Variants in UGT1A10 observed in about 807,000 individuals in gnomAD.
UGT1A10 encodes UDP-glucuronosyltransferase 1A10.
UGT1A10 carries 49 observed loss-of-function variants against 45.8 expected under a neutral mutation model. The ratio of observed to expected loss-of-function variants is 1.07; its 90% CI spans 0.85 to 1.36. The LOEUF is 1.36. UGT1A10 is among the 40% of genes most tolerant of loss of function. The pLI is 0.00. For synonymous variants in UGT1A10, 284 were observed against 249.7 expected, an observed-to-expected ratio of 1.14 and a Z score of -1.29; for missense variants, 745 against 668.6, an observed-to-expected ratio of 1.11 and a Z score of -1.26.
intron 1 of UGT1A10, among the ~76,000 whole-genome samples, chr2:233,737,698 T>C (rs1168746375): frequency 6.6e-6 from 1 of 152,140 alleles, no homozygotes; most frequent in Non-Finnish European, 1.5e-5. Flanking sequence ...TGCTGAAGCT[T>C]CCGTTCTCCT....
intron 1 of UGT1A10, among the ~76,000 whole-genome samples, chr2:233,730,937 T>C (rs2125759444): frequency 6.6e-6 from 1 of 152,268 alleles, no homozygotes; most frequent in Admixed American, 6.5e-5. Flanking sequence ...TAATCCAGAA[T>C]ATTTGGGTTT....
rs267599269 is a variant in UGT1A10, at chr2:233,637,360, G to T, written c.838G>T (p.Gly280Ter). ...CATTGGTGGTATCAACTGTCATCAG[G>T]GAAAGCCATTGCCTATGGTAAGTCA... ...IFIGGINCHQ[G>*]KPLPMEFEAY... is the part of the protein sequence containing the mutation. The change falls in exon 1 of 5, where the codon GGA becomes TGA. Residue 280 changes from glycine to a stop codon, truncating the protein, a stop_gained. Coordinates refer to ENST00000344644, the MANE Select transcript of UGT1A10 (RefSeq NM_019075.4). LOFTEE classifies it high-confidence loss of function. 3 of 1,613,204 alleles carry T rather than the reference G, an allele frequency of 1.9e-6. No homozygotes were observed. Among genetic ancestry groups the T allele is most frequent in the Admixed American group, 3.3e-5 (2 of 59,968 alleles).
chr2:233,757,188 C>G (rs1300047445), intron 1 of UGT1A10, among the ~76,000 whole-genome samples: 1 of 150,488 alleles, frequency 6.6e-6, no homozygotes, highest in African/African-American at 2.5e-5. Flanking sequence ...GCAGAGGACT[C>G]TGAATTTTCT....
At chr2:233,759,773 G>A (rs1199686536) in intron 1 of UGT1A10, among the ~76,000 whole-genome samples, 1 of 152,142 alleles carries the variant, frequency 6.6e-6, no homozygotes, top group African/African-American at 2.4e-5. Context: ...AATATTGTTG[G>A]ACGAAGGAAT....
intron 1 of UGT1A10, chr2:233,741,725 C>G (rs1312283881): frequency 6.6e-6 from 1 of 151,856 alleles, no homozygotes; most frequent in Non-Finnish European, 1.5e-5. Flanking sequence ...AGAGCATATC[C>G]AAACCCATAT....
intron 1 of UGT1A10, among the ~76,000 whole-genome samples, chr2:233,727,321 C>T (rs1225284066): frequency 6.6e-6 from 1 of 152,152 alleles, no homozygotes; most frequent in African/African-American, 2.4e-5. Flanking sequence ...TTCCCAGGCA[C>T]CAGGAGCTCC....
At chr2:233,713,624 C>G in intron 1 of UGT1A10, 1 of 1,613,964 alleles carries the variant, frequency 6.2e-7, no homozygotes, top group Non-Finnish European at 8.5e-7. Context: ...TGCAAAGGGT[C>G]AAGAACATGC....
intron 1 of UGT1A10, chr2:233,690,690 T>A (rs959108318): frequency 1.6e-6 from 2 of 1,249,564 alleles, no homozygotes; most frequent in African/African-American, 3.1e-5. Flanking sequence ...CCAGCGGAGC[T>A]ACTCTTTAGG....
At chr2:233,701,743 T>C (rs1291418937) in intron 1 of UGT1A10, among the ~76,000 whole-genome samples, 3 of 152,190 alleles carry the variant, frequency 2.0e-5, no homozygotes, top group Non-Finnish European at 2.9e-5. Flanking sequence ...CCTGAATAAC[T>C]ACTGGGTACA....
chr2:233,679,691 G>C (rs915650014), intron 1 of UGT1A10, among the ~76,000 whole-genome samples: 5 of 152,016 alleles, frequency 3.3e-5, no homozygotes, highest in African/African-American at 1.2e-4. Flanking sequence ...CTTGGCAGAG[G>C]CTGGTTCTCC....
chr2:233,718,650 G>A (rs762582073), intron 1 of UGT1A10: 221 of 1,506,712 alleles, frequency 1.5e-4, no homozygotes, highest in Middle Eastern at 2.4e-4. Context: ...GGCCCATAAC[G>A]AAAGGCAGTT....
intron 1 of UGT1A10, among the ~76,000 whole-genome samples, chr2:233,664,806 A>G (rs2074040295): frequency 6.6e-6 from 1 of 152,130 alleles, no homozygotes; most frequent in Non-Finnish European, 1.5e-5. Flanking sequence ...ATAACACTGA[A>G]CTGTGATTTG....
chr2:233,743,667 C>G (rs201017854), intron 1 of UGT1A10: 4 of 1,367,108 alleles, frequency 2.9e-6, no homozygotes, highest in African/African-American at 1.5e-5. Context: ...AAGGGGTCCT[C>G]GAAGGGCCTG....
At chr2:233,756,273 T>C (rs976483084) in intron 1 of UGT1A10, 1 of 152,230 alleles carries the variant, frequency 6.6e-6, no homozygotes. Context: ...TCAAGCTCCT[T>C]TTATAAAATG....
chr2:233,660,968 T>C (rs1373599432), intron 1 of UGT1A10, among the ~76,000 whole-genome samples: 1 of 152,128 alleles, frequency 6.6e-6, no homozygotes, highest in Non-Finnish European at 1.5e-5. Flanking sequence ...TATCCTTCAG[T>C]TTTATTTAGC....
chr2:233,718,682 A>G, intron 1 of UGT1A10: 1 of 1,574,938 alleles, frequency 6.3e-7, no homozygotes, highest in Non-Finnish European at 8.6e-7. Flanking sequence ...GGTAATAAGT[A>G]ACTGGAGGAG....
intron 1 of UGT1A10, chr2:233,755,187 A>G: frequency 1.6e-5 from 19 of 1,182,426 alleles, no homozygotes; most frequent in Non-Finnish European, 2.1e-5. Flanking sequence ...GTGCCACTTG[A>G]GCGCCAGCTT....
At chr2:233,690,053 T>C in intron 1 of UGT1A10, 1 of 402,506 alleles carries the variant, frequency 2.5e-6, no homozygotes, top group South Asian at 1.8e-5. Flanking sequence ...TTCTGACTTC[T>C]GCAGCCCCAC....
intron 1 of UGT1A10, chr2:233,693,614 AC>A: frequency 6.2e-7 from 1 of 1,614,168 alleles, no homozygotes; most frequent in Non-Finnish European, 8.5e-7. Flanking sequence ...AGACCACATG[AC>A]TTTTTCCCAA....
Sources: gnomAD v4.1 joint callset for allele counts (sites outside exome capture counted in the v4.1 genomes callset) on GRCh38, gnomAD v4.1.1 for gene constraint, MANE v1.5 for transcripts, NCBI Gene and HGNC (gene_info 2026-07-23, HGNC 2026-07-21) for gene names.